The following KLHL1 variants were observed in gnomAD, a reference collection of about 807,000 sequenced individuals.
KLHL1 encodes the protein kelch-like protein 1.
Under a neutral mutation model 77.7 loss-of-function variants are expected in KLHL1, and 47 were observed. The observed-to-expected ratio is 0.60, with a 90% CI of 0.48 to 0.77. The LOEUF (loss-of-function observed/expected upper bound fraction) is 0.77, where lower values mean the gene tolerates loss of function less well. Among genes scored for constraint, KLHL1 ranks in the 30% least tolerant of loss-of-function variants. The pLI, the probability that KLHL1 is intolerant of heterozygous loss-of-function variation, is 0.00. For synonymous variants in KLHL1, 360 were observed against 325.2 expected, an observed-to-expected ratio of 1.11 and a Z score of -1.15; for missense variants, 925 against 910.8, an observed-to-expected ratio of 1.02 and a Z score of -0.20.
Position 69,832,455 on chromosome 13 carries a change from A to T in KLHL1, c.1414+6521T>A, listed in dbSNP as rs142474715. Among the ~76,000 whole-genome samples, 602 of 150,240 alleles carry T rather than the reference A, an allele frequency of 4.0e-3. 64 individuals carry two copies. The highest frequency in any genetic ancestry group is 0.014 in the African/African-American group (572 of 40,150). On this transcript the variant is annotated intron_variant, in intron 6 of 10. Coordinates refer to ENST00000377844, the MANE Select transcript of KLHL1 (RefSeq NM_020866.3). ...ACACTGCTGAAAGAAATCATTGATG[A>T]CAGAAACAAATGGAAACACATCCCA...
intron 9 of KLHL1, among the ~76,000 whole-genome samples, chr13:69,709,268 T>G (rs1875768738): frequency 6.6e-6 from 1 of 151,974 alleles, no homozygotes; most frequent in African/African-American, 2.4e-5. Flanking sequence ...CATCAAAATC[T>G]CCTTTAAAAA....
At chr13:69,735,950 T>C (rs2137922017) in intron 8 of KLHL1, among the ~76,000 whole-genome samples, 1 of 152,302 alleles carries the variant, frequency 6.6e-6, no homozygotes, top group Admixed American at 6.5e-5. Context: ...TATGTATTCA[T>C]TGTATATGTG....
chr13:69,795,803 C>T (rs1416113913), intron 7 of KLHL1, among the ~76,000 whole-genome samples: 1 of 152,152 alleles, frequency 6.6e-6, no homozygotes, highest in Admixed American at 6.6e-5. Context: ...TACCCCATAG[C>T]AGGGAACAGA....
At chr13:70,098,750 C>A (rs887389095) in intron 1 of KLHL1, among the ~76,000 whole-genome samples, 1 of 151,616 alleles carries the variant, frequency 6.6e-6, no homozygotes, top group East Asian at 1.9e-4. Flanking sequence ...TTTCACAGAG[C>A]ATTTTTTACT....
At chr13:69,856,308 G>A (rs553710429) in intron 5 of KLHL1, among the ~76,000 whole-genome samples, 2 of 152,102 alleles carry the variant, frequency 1.3e-5, no homozygotes, top group East Asian at 1.9e-4. Flanking sequence ...AATGCATCCT[G>A]TTACACATAC....
At chr13:70,071,069 T>G (rs1364632748) in intron 1 of KLHL1, among the ~76,000 whole-genome samples, 1 of 152,022 alleles carries the variant, frequency 6.6e-6, no homozygotes, top group Non-Finnish European at 1.5e-5. Flanking sequence ...TTATTAATAA[T>G]CACTTTAAAT....
intron 7 of KLHL1, among the ~76,000 whole-genome samples, chr13:69,771,774 C>A (rs977471995): frequency 7.2e-5 from 11 of 152,030 alleles, no homozygotes; most frequent in Non-Finnish European, 1.5e-4. Context: ...TGAGTGAATT[C>A]TATTTAATGA....
chr13:69,877,009 C>A (rs1880795613), intron 5 of KLHL1, among the ~76,000 whole-genome samples: 1 of 152,066 alleles, frequency 6.6e-6, no homozygotes, highest in Non-Finnish European at 1.5e-5. Flanking sequence ...TGCACTCCAG[C>A]CTGGGCAACA....
chr13:69,912,537 CT>C (rs985785293), intron 4 of KLHL1, among the ~76,000 whole-genome samples: 1 of 152,130 alleles, frequency 6.6e-6, no homozygotes, highest in South Asian at 2.1e-4. Context: ...CTGAATTCTA[CT>C]TTTTCAGTTT....
intron 8 of KLHL1, among the ~76,000 whole-genome samples, chr13:69,726,554 C>T (rs779807409): frequency 6.6e-6 from 1 of 152,178 alleles, no homozygotes; most frequent in Non-Finnish European, 1.5e-5. Context: ...CCTCTTGTCA[C>T]TTGCTACTAT....
intron 1 of KLHL1, among the ~76,000 whole-genome samples, chr13:70,038,581 A>ATTTTTTTTTTTTTTTTTTTTTTTT (rs55885952): frequency 1.4e-5 from 1 of 73,030 alleles, no homozygotes; most frequent in African/African-American, 5.3e-5. Flanking sequence ...ATTGTCATTA[A>ATTTTTTTTTTTTTTTTTTTTTTTT]TTTTTTTTTT....
chr13:69,810,952 TAAG>T (rs1877853471), intron 6 of KLHL1, among the ~76,000 whole-genome samples: 1 of 151,320 alleles, frequency 6.6e-6, no homozygotes, highest in Non-Finnish European at 1.5e-5. Context: ...AACAGACTAA[TAAG>T]TAAGGAAACT....
chr13:69,976,267 T>C (rs1357190719), intron 1 of KLHL1, among the ~76,000 whole-genome samples: 1 of 151,990 alleles, frequency 6.6e-6, no homozygotes, highest in Non-Finnish European at 1.5e-5. Flanking sequence ...ATGAAAAAAA[T>C]ATAAAACCTG....
intron 1 of KLHL1, among the ~76,000 whole-genome samples, chr13:69,981,866 A>T (rs997185039): frequency 1.4e-4 from 21 of 152,164 alleles, no homozygotes; most frequent in African/African-American, 4.1e-4. Flanking sequence ...TGATTCTGAA[A>T]CTGTAATTAT....
chr13:69,940,186 A>T lies in KLHL1; in HGVS notation c.868T>A (p.Cys290Ser). The change falls in exon 4 of 11, where the codon TGC becomes AGC. Residue 290 changes from cysteine to serine, a missense_variant. Physicochemically the swap from Cys to Ser is moderately radical, Grantham distance 112. Coordinates refer to ENST00000377844, the MANE Select transcript of KLHL1 (RefSeq NM_020866.3). The part of the protein sequence containing the change: ...DTIENLLAAA[C>S]LLQLPQVVEV... ...ACCACCTGTGGAAGCTGAAGAAGGC[A>T]CGCTGCAGCAAGAAGGTTCTCAATG... The T allele has an allele frequency of 6.2e-7, 1 of 1,612,700 alleles. No homozygotes were observed. Among genetic ancestry groups the T allele is most frequent in the Non-Finnish European group, 8.5e-7 (1 of 1,179,492 alleles).
In KLHL1 at chr13:69,793,892, A is replaced by G. The variant is rs76677930; in HGVS notation, c.1639+2846T>C. ...AGAAAATATCTGGGAGGAAAACTTGATATGTTCTTTTTTTACTACCCCATA... is the reference window on the plus strand; with the variant it reads ...AGAAAATATCTGGGAGGAAAACTTGGTATGTTCTTTTTTTACTACCCCATA... On this transcript the variant is annotated intron_variant, in intron 7 of 10. Coordinates refer to ENST00000377844, the MANE Select transcript of KLHL1 (RefSeq NM_020866.3). Among the ~76,000 whole-genome samples the G allele has an allele frequency of 1.2e-4, 18 of 152,196 alleles. 1 individual carries two copies. In the East Asian group the frequency reaches 3.5e-3, roughly 29 times the overall value.
At chr13:69,784,143 T>G (rs963094542) in intron 7 of KLHL1, among the ~76,000 whole-genome samples, 1 of 152,138 alleles carries the variant, frequency 6.6e-6, no homozygotes, top group Non-Finnish European at 1.5e-5. Context: ...CTGAGAGATT[T>G]TGTCACCACC....
At chr13:69,884,695 G>A (rs909013795) in intron 4 of KLHL1, among the ~76,000 whole-genome samples, 3 of 152,072 alleles carry the variant, frequency 2.0e-5, no homozygotes, top group Admixed American at 6.6e-5. Context: ...CTTGGGAGAA[G>A]TTTCTTTCAG....
intron 9 of KLHL1, among the ~76,000 whole-genome samples, chr13:69,713,070 T>A (rs1036294028): frequency 1.5e-4 from 23 of 152,154 alleles, no homozygotes; most frequent in African/African-American, 5.1e-4. Context: ...GCTCAAGTGA[T>A]CCACCTGACT....
Sources: gnomAD v4.1 joint callset for allele counts (sites outside exome capture counted in the v4.1 genomes callset) on GRCh38, gnomAD v4.1.1 for gene constraint, MANE v1.5 for transcripts, NCBI Gene and HGNC (gene_info 2026-07-23, HGNC 2026-07-21) for gene names.